HSD17B12: variants seen among roughly 807,000 people sequenced by gnomAD.
HSD17B12 encodes hydroxysteroid 17-beta dehydrogenase 12, also known as very-long-chain 3-oxoacyl-CoA reductase.
In HSD17B12, 32 loss-of-function variants were observed where a neutral mutation model predicts 39.3. The observed-to-expected ratio is 0.81, with a 90% CI of 0.61 to 1.09. The LOEUF is 1.09. Among genes scored for constraint, HSD17B12 ranks in the 50% least tolerant of loss-of-function variants. The probability of loss-of-function intolerance (pLI) is 0.00; values close to 1 mark genes in which losing one functional copy is unlikely to be tolerated. For synonymous variants in HSD17B12, 150 were observed against 146.7 expected, an observed-to-expected ratio of 1.02 and a Z score of -0.16; for missense variants, 342 against 382.9, an observed-to-expected ratio of 0.89 and a Z score of 0.89.
chr11:43,638,766 G>T, the HSD17B12 span, among the ~76,000 whole-genome samples: 1 of 152,212 alleles, frequency 6.6e-6, no homozygotes, highest in African/African-American at 2.4e-5. Flanking sequence ...TTAAATAACA[G>T]TGTGTCTCAA....
At chr11:43,772,665 G>T (rs1289839176) in intron 3 of HSD17B12, among the ~76,000 whole-genome samples, 1 of 152,202 alleles carries the variant, frequency 6.6e-6, no homozygotes. Context: ...GTACTAGCTT[G>T]TGATCCAGTA....
chr11:43,562,683 C>T, the HSD17B12 span, among the ~76,000 whole-genome samples: 1 of 152,170 alleles, frequency 6.6e-6, no homozygotes, highest in Admixed American at 6.5e-5. Flanking sequence ...GTAGATTCTT[C>T]CTTTTCTGAA....
At chr11:43,723,819 G>T (rs1439096835) in intron 1 of HSD17B12, among the ~76,000 whole-genome samples, 26 of 152,166 alleles carry the variant, frequency 1.7e-4, no homozygotes, top group Admixed American at 1.6e-3. Flanking sequence ...TTTTTATCCT[G>T]CAAAAATATT....
chr11:43,643,394 C>T, the HSD17B12 span, among the ~76,000 whole-genome samples: 1 of 152,064 alleles, frequency 6.6e-6, no homozygotes, highest in Non-Finnish European at 1.5e-5. Flanking sequence ...TGAAGGAGTT[C>T]ATTTATGAAT....
chr11:43,713,190 T>G (rs1950086044), intron 1 of HSD17B12, among the ~76,000 whole-genome samples: 1 of 152,220 alleles, frequency 6.6e-6, no homozygotes, highest in South Asian at 2.1e-4. Context: ...GCAGGTTTGT[T>G]GCATATGTAT....
At chr11:43,669,643 G>T in the HSD17B12 span, among the ~76,000 whole-genome samples, 519 of 152,286 alleles carry the variant, frequency 3.4e-3, 3 homozygotes, top group East Asian at 0.03. Context: ...TCTGGTGGTT[G>T]TTGGCCATTT....
upstream of HSD17B12, among the ~76,000 whole-genome samples, chr11:43,678,472 C>T (rs1290751825): frequency 4.6e-5 from 7 of 152,128 alleles, no homozygotes; most frequent in Non-Finnish European, 8.8e-5. Flanking sequence ...CTTTTGTTGC[C>T]ATTGCTTTTG....
chr11:43,759,106 C>G (rs896635798), intron 3 of HSD17B12, among the ~76,000 whole-genome samples: 3 of 152,164 alleles, frequency 2.0e-5, no homozygotes, highest in African/African-American at 7.2e-5. Context: ...ACTCATCGTT[C>G]TTACTTCCCT....
chr11:43,584,031 A>T, the HSD17B12 span, among the ~76,000 whole-genome samples: 3 of 152,292 alleles, frequency 2.0e-5, no homozygotes, highest in African/African-American at 2.4e-5. Context: ...ACCTGCCCCC[A>T]GTGGGGAGAG....
chr11:43,779,411 A>C (rs1950742740), intron 3 of HSD17B12, among the ~76,000 whole-genome samples: 1 of 152,230 alleles, frequency 6.6e-6, no homozygotes, highest in Non-Finnish European at 1.5e-5. Flanking sequence ...ATGGGAAATA[A>C]ACTTACAACA....
chr11:43,734,114 G>A (rs1733096078), intron 1 of HSD17B12: 4 of 1,262,876 alleles, frequency 3.2e-6, no homozygotes, highest in East Asian at 2.3e-5. Context: ...GTGTGCTGCC[G>A]TCCATCACTA....
chr11:43,626,789 A>G, the HSD17B12 span, among the ~76,000 whole-genome samples: 1 of 152,010 alleles, frequency 6.6e-6, no homozygotes, highest in Non-Finnish European at 1.5e-5. Flanking sequence ...TTACATTAAT[A>G]TGGAAATAAA....
At chr11:43,585,404 G>T in the HSD17B12 span, among the ~76,000 whole-genome samples, 2 of 152,152 alleles carry the variant, frequency 1.3e-5, no homozygotes, top group Non-Finnish European at 2.9e-5. Context: ...CTAATCCTTG[G>T]AGGTCATGTG....
the HSD17B12 span, among the ~76,000 whole-genome samples, chr11:43,567,608 G>A: frequency 6.6e-6 from 1 of 152,152 alleles, no homozygotes; most frequent in Admixed American, 6.5e-5. Context: ...GAAATCCATC[G>A]CAGTTATTCC....
Position 43,680,927 on chromosome 11 carries a change from C to G in HSD17B12, c.100C>G (p.Leu34Val). The G allele has an allele frequency of 1.2e-6, 2 of 1,613,498 alleles. No individual in the cohort carries two copies. The highest frequency in any genetic ancestry group is 2.2e-5 in the South Asian group (2 of 91,064). Residue 34 changes from leucine to valine, a missense_variant, in exon 1 of 11, where the codon CTC becomes GTC. Transcript: ENST00000278353. ...LRISYSLFTALRVWGVGNEAG... is the reference protein window; with the variant it reads ...LRISYSLFTAVRVWGVGNEAG... The stretch of plus-strand genomic sequence containing the variant: ...TATTTCGTACTCGCTCTTCACGGCC[C>G]TCCGGGTCTGGGGAGTGGGGAATGA...
At chr11:43,659,520 C>A in the HSD17B12 span, among the ~76,000 whole-genome samples, 2 of 152,070 alleles carry the variant, frequency 1.3e-5, no homozygotes, top group African/African-American at 2.4e-5. Context: ...TGATCCTATT[C>A]GGCCATCTTG....
chr11:43,764,874 T>A (rs978669902), intron 3 of HSD17B12, among the ~76,000 whole-genome samples: 1 of 152,168 alleles, frequency 6.6e-6, no homozygotes, highest in Admixed American at 6.5e-5. Context: ...TTTCTGCCTT[T>A]TAATCGGGGT....
chr11:43,654,511 G>C, the HSD17B12 span, among the ~76,000 whole-genome samples: 3 of 151,896 alleles, frequency 2.0e-5, no homozygotes, highest in Non-Finnish European at 4.4e-5. Flanking sequence ...TTTTCTTCTA[G>C]GGTTTTTATG....
intron 9 of HSD17B12, among the ~76,000 whole-genome samples, chr11:43,848,041 G>A (rs575487823): frequency 9.9e-5 from 15 of 152,180 alleles, no homozygotes; most frequent in South Asian, 2.1e-4. Flanking sequence ...ATTGAGAAAC[G>A]GCTACCGGGA....
Sources: allele counts gnomAD v4.1 joint callset (sites outside exome capture counted in the v4.1 genomes callset), GRCh38; gene constraint gnomAD v4.1.1; transcripts MANE v1.5; gene names NCBI Gene and HGNC (gene_info 2026-07-23, HGNC 2026-07-21).